Variants in ISOC1 observed in about 807,000 individuals in gnomAD.
ISOC1 encodes the protein isochorismatase domain containing 1.
A neutral mutation model predicts 30.0 loss-of-function variants in ISOC1; 33 were observed. The ratio of observed to expected loss-of-function variants is 1.10; its 90% CI spans 0.83 to 1.47. The LOEUF is 1.47. Among genes scored for constraint, ISOC1 ranks in the 40% most tolerant of loss-of-function variants. The pLI, the probability that ISOC1 is intolerant of heterozygous loss-of-function variation, is 0.00. For synonymous variants in ISOC1, 178 were observed against 159.8 expected, an observed-to-expected ratio of 1.11 and a Z score of -0.86; for missense variants, 372 against 388.0, an observed-to-expected ratio of 0.96 and a Z score of 0.35.
In ISOC1 at chr5:129,113,590, T is replaced by C. The variant is rs1753738533; in HGVS notation, c.*589T>C. ...AATTACATATCTTTCTTGACTATACTGATTTCTTATTTTGGTCACTATTAC... is the reference window on the plus strand; with the variant it reads ...AATTACATATCTTTCTTGACTATACCGATTTCTTATTTTGGTCACTATTAC... On this transcript the variant is annotated 3_prime_UTR_variant, in exon 5 of 5. Coordinates refer to ENST00000173527, the MANE Select transcript of ISOC1 (RefSeq NM_016048.2). 1 of 152,230 alleles carries C rather than the reference T, an allele frequency of 6.6e-6. No homozygotes were observed. The highest frequency in any genetic ancestry group is 1.5e-5 in the Non-Finnish European group (1 of 68,032). The allele number at this position is 152,230 out of a possible 1,614,324, so 9.4% of individuals were successfully genotyped here. A position where few individuals can be genotyped will look rare whatever the true frequency, so the allele number is the denominator to read the frequency against.
chr5:129,112,795 T>C (rs2150172851), intron 4 of ISOC1, 60 bp from the exon 5 acceptor site: 1 of 1,555,632 alleles, frequency 6.4e-7, no homozygotes, highest in Non-Finnish European at 8.8e-7. Context: ...GTGTTACTCT[T>C]CTGAAATAGT....
In ISOC1 at chr5:129,105,389, G is replaced by A. The variant is rs1256873835; in HGVS notation, c.633+1G>A. The A allele has an allele frequency of 2.5e-6, 4 of 1,609,336 alleles. No homozygotes were observed. Among genetic ancestry groups the A allele is most frequent in the East Asian group, 4.5e-5 (2 of 44,844 alleles). On this transcript the variant is annotated splice_donor_variant, in intron 3 of 4. Transcript: ENST00000173527. LOFTEE classifies it high-confidence loss of function. ...GAGTGTTGTATTATTTGGAGTAGAA[G>A]TAAGTACCTGTTACTATCATTTAGG...
rs770255554 is a variant in ISOC1, at chr5:129,094,778, G to A, written c.12G>A (p.Ala4=). MAA[A]EPAVLALPNS... Reference sequence around the variant, plus strand: ...ACGCTCGGGGGAACATGGCGGCTGCGGAGCCGGCGGTCCTTGCGCTCCCCA... The same window carrying A: ...ACGCTCGGGGGAACATGGCGGCTGCAGAGCCGGCGGTCCTTGCGCTCCCCA... Residue 4 remains alanine, a synonymous_variant, in exon 1 of 5, where the codon GCG becomes GCA. Transcript: ENST00000173527. The A allele has an allele frequency of 2.8e-5, 42 of 1,502,490 alleles. No homozygotes were observed. In the African/African-American group the frequency reaches 5.0e-4, roughly 18 times the overall value. 93.1% of individuals were successfully genotyped at this position (1,502,490 alleles called of 1,614,324 possible). A position where few individuals can be genotyped will look rare whatever the true frequency, so the allele number is the denominator to read the frequency against.
At chr5:129,095,510 CT>C (rs1484938504) in intron 1 of ISOC1, among the ~76,000 whole-genome samples, 1 of 152,162 alleles carries the variant, frequency 6.6e-6, no homozygotes, top group African/African-American at 2.4e-5. Flanking sequence ...GGGTTTGTTC[CT>C]AGAGTTGTGT....
At chr5:129,106,322 C>T (rs1250244517) in intron 3 of ISOC1, among the ~76,000 whole-genome samples, 2 of 152,188 alleles carry the variant, frequency 1.3e-5, no homozygotes, top group East Asian at 1.9e-4. Flanking sequence ...GGTTGTAATA[C>T]ATGATTCAGT....
chr5:129,113,857 A>T lies in ISOC1; in HGVS notation c.*856A>T, dbSNP rs1753740871. 1 of 152,176 alleles carries T rather than the reference A, an allele frequency of 6.6e-6. No homozygotes were observed. The highest frequency in any genetic ancestry group is 1.5e-5 in the Non-Finnish European group (1 of 68,028). 9.4% of individuals were successfully genotyped at this position (152,176 alleles called of 1,614,324 possible). Reference sequence around the variant, plus strand: ...CTATATTTTCTTCACCTACTCTCCAAATATTGTAATGCAAAAAGTCTCAGT... The same window carrying T: ...CTATATTTTCTTCACCTACTCTCCATATATTGTAATGCAAAAAGTCTCAGT... On this transcript the variant is annotated 3_prime_UTR_variant, in exon 5 of 5. Transcript: ENST00000173527.
At chr5:129,100,112 ACG>A in intron 1 of ISOC1, among the ~76,000 whole-genome samples, 1 of 98,564 alleles carries the variant, frequency 1.0e-5, no homozygotes, top group East Asian at 2.8e-4. Context: ...GAGTGAAATA[ACG>A]ATGCCCCAGG....
intron 4 of ISOC1, among the ~76,000 whole-genome samples, chr5:129,112,245 T>C (rs992536386): frequency 1.3e-5 from 2 of 152,102 alleles, no homozygotes; most frequent in African/African-American, 2.4e-5. Flanking sequence ...TTTTAAAACA[T>C]GAAGAGCTAC....
intron 1 of ISOC1, among the ~76,000 whole-genome samples, chr5:129,099,881 A>G (rs1753549408): frequency 6.6e-6 from 1 of 152,250 alleles, no homozygotes; most frequent in African/African-American, 2.4e-5. Context: ...TGTGTTACAG[A>G]TAAGGAAATT....
rs748212588 is a variant in ISOC1, at chr5:129,094,940, C to A, written c.174C>A (p.Tyr58Ter). The change falls in exon 1 of 5, where the codon TAC becomes TAA. Residue 58 changes from tyrosine (Y) to a stop codon, truncating the protein, a stop_gained. Coordinates refer to ENST00000173527, the MANE Select transcript of ISOC1 (RefSeq NM_016048.2). LOFTEE classifies it high-confidence loss of function. The stretch of plus-strand genomic sequence containing the variant: ...TCATCCAGAAGTTCCTCAGCCTGTA[C>A]GGCGACCAGATCGACATGCACCGCA... ...ELLIQKFLSL[Y>*]GDQIDMHRKF... is the part of the protein sequence containing the mutation. 17 of 1,612,042 alleles carry A rather than the reference C, an allele frequency of 1.1e-5. No individual in the cohort carries two copies. The South Asian group carries it at 1.4e-4, about 14-fold the overall frequency.
intron 4 of ISOC1, among the ~76,000 whole-genome samples, chr5:129,110,034 A>G (rs576272214): frequency 6.6e-6 from 1 of 152,350 alleles, no homozygotes; most frequent in South Asian, 2.1e-4. Context: ...TGTAGAGTGC[A>G]TGAAGAATAA....
intron 1 of ISOC1, 47 bp from the exon 2 acceptor site, chr5:129,104,909 G>GTCAT: frequency 6.3e-7 from 1 of 1,585,846 alleles, no homozygotes; most frequent in East Asian, 2.3e-5. Context: ...GAAAATAAAT[G>GTCAT]TCATTGTACA....
chr5:129,110,732 G>C (rs965868478), intron 4 of ISOC1, among the ~76,000 whole-genome samples: 1 of 152,194 alleles, frequency 6.6e-6, no homozygotes, highest in Non-Finnish European at 1.5e-5. Context: ...ATTGTAGACA[G>C]GCTTCTTGTA....
At chr5:129,107,145 A>G in intron 4 of ISOC1, 83 bp downstream of exon 4, 1 of 1,112,066 alleles carries the variant, frequency 9.0e-7, no homozygotes, top group South Asian at 1.3e-5. Context: ...CAGTAATGAA[A>G]GGTTTACCTC....
Position 129,105,306 on chromosome 5 carries a change from A to G in ISOC1, c.551A>G (p.Lys184Arg), listed in dbSNP as rs745647702. 12 of 1,613,934 alleles carry G rather than the reference A, an allele frequency of 7.4e-6. No individual in the cohort carries two copies. The Admixed American group carries it at 1.0e-4, about 13-fold the overall frequency. ...GTAAAACTGGTACTTCCAAAGACCA[A>G]GTTTTCAATGGTATTACCAGAAGTA... ...TGVKLVLPKT[K>R]FSMVLPEVEA... is the part of the protein sequence containing the mutation. Residue 184 changes from lysine to arginine, a missense_variant, in exon 3 of 5, where the codon AAG becomes AGG. Lys to Arg is a conservative substitution (Grantham distance 26). Coordinates refer to ENST00000173527, the MANE Select transcript of ISOC1 (RefSeq NM_016048.2).
chr5:129,107,552 T>C (rs762487155), intron 4 of ISOC1, among the ~76,000 whole-genome samples: 4 of 152,098 alleles, frequency 2.6e-5, no homozygotes, highest in Non-Finnish European at 4.4e-5. Context: ...AAAAATAGAA[T>C]GATAGGGCAG....
chr5:129,110,172 T>G (rs1336084204), intron 4 of ISOC1, among the ~76,000 whole-genome samples: 2 of 152,200 alleles, frequency 1.3e-5, no homozygotes, highest in Non-Finnish European at 2.9e-5. Flanking sequence ...TGCACATGCA[T>G]TTTTTAGGTT....
intron 1 of ISOC1, among the ~76,000 whole-genome samples, chr5:129,101,679 A>G (rs761461733): frequency 1.3e-5 from 2 of 152,166 alleles, no homozygotes; most frequent in Non-Finnish European, 2.9e-5. Context: ...TGTCACAACC[A>G]AAGAACCAAC....
At chr5:129,103,299 C>A (rs1753593346) in intron 1 of ISOC1, among the ~76,000 whole-genome samples, 2 of 152,120 alleles carry the variant, frequency 1.3e-5, no homozygotes, top group Admixed American at 1.3e-4. Flanking sequence ...TATATAAGAT[C>A]CTAGTCACTG....
Sources: allele counts gnomAD v4.1 joint callset (sites outside exome capture counted in the v4.1 genomes callset), GRCh38; gene constraint gnomAD v4.1.1; transcripts MANE v1.5; gene names NCBI Gene and HGNC (gene_info 2026-07-23, HGNC 2026-07-21).